The following CHUK variants were observed in gnomAD, a reference collection of about 807,000 sequenced individuals.
CHUK encodes inhibitor of nuclear factor kappa-B kinase subunit alpha.
A neutral mutation model predicts 104.8 loss-of-function variants in CHUK; 35 were observed. The observed-to-expected ratio is 0.33, with a 90% CI of 0.26 to 0.44. CHUK has a LOEUF of 0.44. Among genes scored for constraint, CHUK ranks in the 20% least tolerant of loss-of-function variants. CHUK has a pLI of 1.00. For missense variants in CHUK, 663 were observed against 902.7 expected (o/e 0.73, Z 3.40); for synonymous variants, 276 against 291.9 (o/e 0.95, Z 0.56).
chr10:100,199,978 T>G lies in CHUK; in HGVS notation c.1722A>C (p.Arg574Ser). Residue 574 changes from arginine to serine, a missense_variant, in exon 16 of 21, where the codon AGA becomes AGC. Arg to Ser is a moderately radical substitution (Grantham distance 110). Transcript: ENST00000370397. The part of the protein sequence containing the change: ...AIDLYKQLKH[R>S]PSDHSYSDST... ...GTGGTAGAAGTGTCTTACCTGAAGG[T>G]CTGTGTTTTAACTGCTTATATAGAT... The G allele has an allele frequency of 6.2e-7, 1 of 1,611,500 alleles. No individual in the cohort carries two copies. The highest frequency in any genetic ancestry group is 8.5e-7 in the Non-Finnish European group (1 of 1,177,704).
chr10:100,219,097 G>A lies in CHUK; in HGVS notation c.600C>T (p.Ala200=). ...TCCCAAAGCTCCAATAATCAACAGT[G>A]GCTGTGTAAGGCTTATTCTCAAAGA... is the stretch of plus-strand genomic sequence containing the variant. ...PELFENKPYT[A]TVDYWSFGTM... Residue 200 remains alanine (A), a synonymous_variant, in exon 7 of 21, where the codon GCC becomes GCT. Coordinates refer to ENST00000370397, the MANE Select transcript of CHUK (RefSeq NM_001278.5). 4 of 1,613,390 alleles carry A rather than the reference G, an allele frequency of 2.5e-6. No homozygotes were observed. The highest frequency in any genetic ancestry group is 3.4e-6 in the Non-Finnish European group (4 of 1,179,338).
At chr10:100,210,091 A>ATTTATTTATTTATTTATTTT (rs58570772) in intron 9 of CHUK, among the ~76,000 whole-genome samples, 3 of 121,798 alleles carry the variant, frequency 2.5e-5, no homozygotes, top group Non-Finnish European at 5.5e-5. Context: ...TTATTTATTT[A>ATTTATTTATTTATTTATTTT]TTTTTTTTTT....
intron 12 of CHUK, 63 bp downstream of exon 12, chr10:100,205,013 A>G: frequency 1.3e-6 from 2 of 1,590,672 alleles, no homozygotes; most frequent in Non-Finnish European, 1.7e-6. Flanking sequence ...AAAACCGGCA[A>G]GATTAATTCT....
downstream of CHUK, chr10:100,187,565 G>C (rs1845077716): frequency 6.6e-6 from 1 of 152,018 alleles, no homozygotes; most frequent in Admixed American, 6.6e-5. Context: ...TCATAATATT[G>C]CTTAAAGAAT....
At chr10:100,205,501 C>T (rs1336225676) in intron 11 of CHUK, among the ~76,000 whole-genome samples, 1 of 152,188 alleles carries the variant, frequency 6.6e-6, no homozygotes, top group East Asian at 1.9e-4. Context: ...TTTTCTGCAA[C>T]CTGGAATACT....
At chr10:100,200,828 TC>T in intron 14 of CHUK, 48 bp from the exon 15 acceptor site, 1 of 1,010,134 alleles carries the variant, frequency 9.9e-7, no homozygotes. Flanking sequence ...TACCACTACA[TC>T]ATAGGAAACA....
intron 8 of CHUK, 80 bp from the exon 9 acceptor site, chr10:100,218,210 C>T: frequency 7.9e-7 from 1 of 1,273,500 alleles, no homozygotes; most frequent in Non-Finnish European, 1.1e-6. Flanking sequence ...GGTAATTTTG[C>T]AGGTTGTCCA....
chr10:100,193,416 G>C lies in CHUK; in HGVS notation c.1990C>G (p.Arg664Gly). 6.2e-7 allele frequency: 1 copy of C among 1,614,054 alleles called. No homozygotes were observed. Among genetic ancestry groups the C allele is most frequent in the Non-Finnish European group, 8.5e-7 (1 of 1,179,962 alleles). The change falls in exon 19 of 21, where the codon CGG becomes GGG. Residue 664 changes from arginine (R) to glycine (G), a missense_variant. Arg to Gly is a moderately radical substitution (Grantham distance 125). Around this residue, in one of 5 missense-constraint regions of CHUK, gnomAD observed 311 missense variants for 393.4 expected, o/e 0.79. Coordinates refer to ENST00000370397, the MANE Select transcript of CHUK (RefSeq NM_001278.5). ...TCTAGACTGGATCCTACAAGGGACCGGGCAGAACTCTGTGTCTGAAGGAAA... is the reference window on the plus strand; with the variant it reads ...TCTAGACTGGATCCTACAAGGGACCCGGCAGAACTCTGTGTCTGAAGGAAA... ...LKIACTQSSA[R>G]SLVGSSLEGA...
chr10:100,222,885 G>C lies in CHUK; in HGVS notation c.296C>G (p.Ser99Cys). The change falls in exon 3 of 21, where the codon TCT becomes TGT. Residue 99 changes from serine (S) to cysteine (C), a missense_variant. Ser to Cys is a moderately radical substitution (Grantham distance 112). Around this residue, in one of 5 missense-constraint regions of CHUK, gnomAD observed 200 missense variants for 333.0 expected, o/e 0.60. Coordinates refer to ENST00000370397, the MANE Select transcript of CHUK (RefSeq NM_001278.5). Reference protein sequence around the residue: ...DVPLLAMEYCSGGDLRKLLNK... With the variant: ...DVPLLAMEYCCGGDLRKLLNK... ...CACTACCTTTCGGAGATCTCCTCCA[G>C]AACAGTATTCCATTGCTAGAAGAGG... 1 of 1,570,496 alleles carries C rather than the reference G, an allele frequency of 6.4e-7. No individual in the cohort carries two copies. The highest frequency in any genetic ancestry group is 8.8e-7 in the Non-Finnish European group (1 of 1,140,386).
chr10:100,207,734 G>A (rs146707822), intron 10 of CHUK, among the ~76,000 whole-genome samples: 25 of 152,220 alleles, frequency 1.6e-4, no homozygotes, highest in Non-Finnish European at 3.1e-4. Context: ...CAAACTTGTG[G>A]AGATAAAAAA....
At chr10:100,205,360 G>A (rs1845566754) in intron 11 of CHUK, among the ~76,000 whole-genome samples, 161 bp from the exon 12 acceptor site, 1 of 152,136 alleles carries the variant, frequency 6.6e-6, no homozygotes, top group Non-Finnish European at 1.5e-5. Context: ...ATTTAATTCA[G>A]TTCAATATAC....
intron 16 of CHUK, among the ~76,000 whole-genome samples, chr10:100,198,303 CTT>C (rs1589579149): frequency 6.6e-6 from 1 of 152,172 alleles, no homozygotes; most frequent in Non-Finnish European, 1.5e-5. Flanking sequence ...AGAAGAAACA[CTT>C]TATGAGTACT....
chr10:100,220,514 C>A lies in CHUK; in HGVS notation c.474+74G>T, dbSNP rs1390616456. The A allele has an allele frequency of 2.8e-5, 29 of 1,050,858 alleles. No homozygotes were observed. In the Admixed American group the frequency reaches 4.8e-4, roughly 17 times the overall value. 65.1% of individuals were successfully genotyped at this position (1,050,858 alleles called of 1,614,324 possible). A position where few individuals can be genotyped will look rare whatever the true frequency, so the allele number is the denominator to read the frequency against. On this transcript the variant is annotated intron_variant, in intron 5 of 20. Transcript: ENST00000370397. ...TGTTATGGGCATACAGCAAAGACAC[C>A]AAAGCTCAAGGACTAACTATATCAG...
At position 100,218,735 on chromosome 10, in the gene CHUK, T is replaced by A; in HGVS notation, c.780A>T (p.Gln260His). 6.2e-7 allele frequency: 1 copy of A among 1,611,020 alleles called. No individual in the cohort carries two copies. The change falls in exon 8 of 21, where the codon CAA (glutamine) becomes CAT (histidine). Residue 260 changes from glutamine to histidine, a missense_variant. Transcript: ENST00000370397. ...GEVRFSSHLP[Q>H]PNSLCSLVVE... ...ATACTTACCTACAAAGGCTATTTGG[T>A]TGAGGTAAATGGCTACTAAACCGAA... is the stretch of plus-strand genomic sequence containing the variant.
downstream of CHUK, chr10:100,186,334 GTTTA>G (rs958489939): frequency 6.3e-6 from 2 of 317,546 alleles, no homozygotes; most frequent in Non-Finnish European, 5.7e-6. Context: ...TAGCTGTTCG[GTTTA>G]TTTGTCCTTT....
chr10:100,224,846 CA>C (rs35372870), intron 2 of CHUK, among the ~76,000 whole-genome samples: 30,381 of 151,674 alleles, frequency 0.2, 5,429 homozygotes, highest in African/African-American at 0.49. Context: ...TTAGTGGCAT[CA>C]AGATGCTTTC....
intron 9 of CHUK, among the ~76,000 whole-genome samples, chr10:100,213,383 C>G (rs1024421472): frequency 6.6e-6 from 1 of 151,382 alleles, no homozygotes; most frequent in Non-Finnish European, 1.5e-5. Context: ...ACGCGGGAGG[C>G]TGAGGCACGA....
intron 9 of CHUK, among the ~76,000 whole-genome samples, chr10:100,217,791 C>T (rs1310075922): frequency 1.3e-5 from 2 of 152,124 alleles, no homozygotes; most frequent in South Asian, 2.1e-4. Flanking sequence ...GCAAGAGAAT[C>T]GCTTGAACCT....
intron 13 of CHUK, among the ~76,000 whole-genome samples, chr10:100,203,738 T>G (rs1451086276): frequency 6.6e-6 from 1 of 152,154 alleles, no homozygotes; most frequent in Non-Finnish European, 1.5e-5. Flanking sequence ...ATTTGGAGAC[T>G]GTGTACACTA....
Sources: gnomAD v4.1 joint callset for allele counts (sites outside exome capture counted in the v4.1 genomes callset) on GRCh38, gnomAD v4.1.1 for gene constraint, gnomAD v4.1.1 regional missense constraint, MANE v1.5 for transcripts, NCBI Gene and HGNC (gene_info 2026-07-23, HGNC 2026-07-21) for gene names.